MLX: variants seen among roughly 807,000 people sequenced by gnomAD.
MLX encodes max-like protein X.
Under a neutral mutation model 33.0 loss-of-function variants are expected in MLX, and 15 were observed. The ratio of observed to expected loss-of-function variants is 0.45; its 90% CI spans 0.30 to 0.70. The LOEUF (loss-of-function observed/expected upper bound fraction) is 0.70. Ranked by LOEUF, MLX falls within the 30% of genes least tolerant of loss-of-function variation. The pLI is 0.07. For missense variants in MLX, 285 were observed against 306.3 expected, an observed-to-expected ratio of 0.93 and a Z score of 0.52; for synonymous variants, 115 against 115.6, an observed-to-expected ratio of 0.99 and a Z score of 0.03.
Position 42,569,208 on chromosome 17 carries a change from G to A in MLX, c.281G>A (p.Gly94Asp). 1 of 1,613,952 alleles carries A rather than the reference G, an allele frequency of 6.2e-7. No homozygotes were observed. ...TTTCCCCTGCTGTTTCCACAGAGAG[G>A]CTATGATGACCTTCAGACCATCGTC... ...EQKRRDAIKR[G>D]YDDLQTIVPT... is the part of the protein sequence containing the mutation. The change falls in exon 5 of 8, where the codon GGC becomes GAC. Residue 94 changes from glycine to aspartate, a missense_variant. By Grantham distance (94) the Gly-to-Asp change is moderately conservative. Coordinates refer to ENST00000435881, the MANE Select transcript of MLX (RefSeq NM_198204.2).
intron 7 of MLX, among the ~76,000 whole-genome samples, 174 bp from the exon 8 acceptor site, chr17:42,571,373 C>T (rs2010750): frequency 0.36 from 54,124 of 151,968 alleles, 10,397 homozygotes; most frequent in East Asian, 0.54. Context: ...GTGATCCACC[C>T]GCCTTGGCCT....
Position 42,571,899 on chromosome 17 carries a change from C to G in MLX, c.*296C>G. 1 of 417,464 alleles carries G rather than the reference C, an allele frequency of 2.4e-6. No individual in the cohort carries two copies. The highest frequency in any genetic ancestry group is 2.8e-5 in the South Asian group (1 of 36,018). The allele number at this position is 417,464 out of a possible 1,614,324, so 25.9% of individuals were successfully genotyped here. On this transcript the variant is annotated 3_prime_UTR_variant, in exon 8 of 8. Coordinates refer to ENST00000435881, the MANE Select transcript of MLX (RefSeq NM_198204.2). ...TCTGCTCTGGACACCCCAAAGAGCT[C>G]CTGCCCTCTCAGCCCTTTATTCAAG...
chr17:42,569,060 A>G, intron 4 of MLX, 117 bp downstream of exon 4: 1 of 1,270,628 alleles, frequency 7.9e-7, no homozygotes, highest in Non-Finnish European at 1.1e-6. Context: ...CAGGTAGTAT[A>G]GTCCCAGGCA....
In MLX at chr17:42,570,063, C is replaced by T. The variant is rs763697382; in HGVS notation, c.558C>T (p.Asn186=). 1.1e-5 allele frequency: 17 copies of T among 1,614,200 alleles called. No individual in the cohort carries two copies. Among genetic ancestry groups the T allele is most frequent in the South Asian group, 4.4e-5 (4 of 91,086 alleles). Residue 186 remains asparagine (N), a synonymous_variant, in exon 7 of 8, where the codon AAC becomes AAT. Transcript: ENST00000435881. ...EDQVSDQVKF[N]VFQGIMDSLF... ...AGGTCTCTGACCAGGTCAAGTTCAA[C>T]GTGTTTCAAGGCATCATGGATTCCC...
chr17:42,567,766 G>T, intron 2 of MLX, 111 bp downstream of exon 2: 2 of 1,449,310 alleles, frequency 1.4e-6, no homozygotes, highest in Non-Finnish European at 1.9e-6. Flanking sequence ...CCTGAGCAGA[G>T]TTCCTGGCTT....
At chr17:42,570,906 C>G (rs769798966) in intron 7 of MLX, among the ~76,000 whole-genome samples, 1 of 152,056 alleles carries the variant, frequency 6.6e-6, no homozygotes, top group Non-Finnish European at 1.5e-5. Flanking sequence ...CCACCCGCCT[C>G]GGCCTCCCAA....
At chr17:42,568,641 G>A in intron 3 of MLX, 82 bp downstream of exon 3, 1 of 1,383,668 alleles carries the variant, frequency 7.2e-7, no homozygotes, top group South Asian at 1.2e-5. Flanking sequence ...GGAAGCCCCA[G>A]CCATCCACAC....
At chr17:42,567,488 G>A in intron 1 of MLX, 131 bp from the exon 2 acceptor site, 1 of 1,500,310 alleles carries the variant, frequency 6.7e-7, no homozygotes, top group South Asian at 1.2e-5. Flanking sequence ...CGGGCTGTGT[G>A]TGTGCAAGCG....
chr17:42,570,183 G>C lies in MLX; in HGVS notation c.678G>C (p.Gln226His), dbSNP rs1420960638. 1 of 1,613,522 alleles carries C rather than the reference G, an allele frequency of 6.2e-7. No homozygotes were observed. The highest frequency in any genetic ancestry group is 1.7e-5 in the Admixed American group (1 of 60,012). The change falls in exon 7 of 8, where the codon CAG (glutamine) becomes CAC (histidine). Residue 226 changes from glutamine (Q) to histidine (H), a missense_variant and splice_region_variant. Transcript: ENST00000435881. Reference sequence around the variant, plus strand: ...GGATCGAGGAGCACTGTAAGCCTCAGGTATGGGGCAACAATAGGCACAGGG... The same window carrying C: ...GGATCGAGGAGCACTGTAAGCCTCACGTATGGGGCAACAATAGGCACAGGG... ...FSWIEEHCKP[Q>H]TLREIVIGVL...
At position 42,568,835 on chromosome 17, in the gene MLX, A is replaced by G. The variant is rs760987264; in HGVS notation, c.170-2A>G. 1.2e-5 allele frequency: 20 copies of G among 1,604,110 alleles called. No individual in the cohort carries two copies. Among genetic ancestry groups the G allele is most frequent in the Non-Finnish European group, 1.7e-5 (20 of 1,174,624 alleles). On this transcript the variant is annotated splice_acceptor_variant, in intron 3 of 7. Coordinates refer to ENST00000435881, the MANE Select transcript of MLX (RefSeq NM_198204.2). LOFTEE classifies it high-confidence loss of function. Reference sequence around the variant, plus strand: ...TTTCCCTGCCCCCATCTCTGAGCGTAGATGATGAGGACAGTGATTACCACC... The same window carrying G: ...TTTCCCTGCCCCCATCTCTGAGCGTGGATGATGAGGACAGTGATTACCACC...
rs148497001 is a variant in MLX at position 42,569,231 on chromosome 17, G to A, written c.304G>A (p.Val102Ile). 3.2e-4 allele frequency: 517 copies of A among 1,614,022 alleles called. No individual in the cohort carries two copies. Among genetic ancestry groups the A allele is most frequent in the Admixed American group, 8.0e-4 (48 of 59,996 alleles). ...KRGYDDLQTI[V>I]PTCQQQDFSI... is the part of the protein sequence containing the mutation. ...AGGCTATGATGACCTTCAGACCATC[G>A]TCCCCACTTGCCAGCAGCAGGACTT... The change falls in exon 5 of 8, where the codon GTC (valine) becomes ATC (isoleucine). Residue 102 changes from valine to isoleucine, a missense_variant. By Grantham distance (29) the Val-to-Ile change is conservative. Coordinates refer to ENST00000435881, the MANE Select transcript of MLX (RefSeq NM_198204.2).
chr17:42,572,800 CA>C lies in MLX; in HGVS notation c.*1198del. 1 of 804,906 alleles carries C rather than the reference CA, an allele frequency of 1.2e-6. No individual in the cohort carries two copies. The allele number at this position is 804,906 out of a possible 1,614,324, so 49.9% of individuals were successfully genotyped here. ...GGGTCTACCCCCAGCCACCAGCCCT[CA>C]TCCTCTCTACCCAGTGCTCTGGTTT... On this transcript the variant is annotated 3_prime_UTR_variant, in exon 8 of 8. Transcript: ENST00000435881.
At chr17:42,567,188 G>A in intron 1 of MLX, 22 bp downstream of exon 1, 2 of 1,288,330 alleles carry the variant, frequency 1.6e-6, no homozygotes, top group Non-Finnish European at 2.0e-6. Context: ...GGGCGCGCAC[G>A]CCGGCGAGGG....
chr17:42,568,344 C>G, intron 2 of MLX, 126 bp from the exon 3 acceptor site: 1 of 598,304 alleles, frequency 1.7e-6, no homozygotes. Flanking sequence ...GCCTGGGCGA[C>G]TGAGCGAGAC....
Position 42,573,035 on chromosome 17 carries a change from G to A in MLX, c.*1432G>A, listed in dbSNP as rs763143237. The A allele has an allele frequency of 2.5e-6, 4 of 1,614,082 alleles. No homozygotes were observed. The African/African-American group carries it at 4.0e-5, about 16-fold the overall frequency. On this transcript the variant is annotated 3_prime_UTR_variant, in exon 8 of 8. Coordinates refer to ENST00000435881, the MANE Select transcript of MLX (RefSeq NM_198204.2). ...TATCCCAACTTCCTCCTGTGAGACA[G>A]GGAGACAAGTGAATGAGATGTCACC...
chr17:42,572,956 AC>A lies in MLX; in HGVS notation c.*1355del. The A allele has an allele frequency of 6.2e-7, 1 of 1,613,752 alleles. No homozygotes were observed. On this transcript the variant is annotated 3_prime_UTR_variant, in exon 8 of 8. Transcript: ENST00000435881. The stretch of plus-strand genomic sequence containing the variant: ...CATCCTGCAGTCCCCACCAGTCCTG[AC>A]CGTGGGCCCCTCAGGGGTCTGGGAG...
At chr17:42,569,916 TC>T in intron 6 of MLX, 65 bp from the exon 7 acceptor site, 1 of 1,460,912 alleles carries the variant, frequency 6.8e-7, no homozygotes, top group Non-Finnish European at 9.6e-7. Context: ...CACAGGATAG[TC>T]CCGTCATTCT....
chr17:42,567,584 G>T, intron 1 of MLX, 35 bp from the exon 2 acceptor site: 8 of 1,613,768 alleles, frequency 5.0e-6, no homozygotes, highest in Non-Finnish European at 6.8e-6. Flanking sequence ...TAGGGGCGGA[G>T]GTCTGACGGG....
chr17:42,569,434 G>T, intron 5 of MLX, 73 bp from the exon 6 acceptor site: 1 of 1,516,592 alleles, frequency 6.6e-7, no homozygotes, highest in Non-Finnish European at 9.1e-7. Context: ...GGGGTAAGGG[G>T]AACAAAGTCA....
Sources: gnomAD v4.1 joint callset for allele counts (sites outside exome capture counted in the v4.1 genomes callset) on GRCh38, gnomAD v4.1.1 for gene constraint, MANE v1.5 for transcripts, NCBI Gene and HGNC (gene_info 2026-07-23, HGNC 2026-07-21) for gene names.